The following CHRM3 variants were observed in gnomAD, a reference collection of about 807,000 sequenced individuals.
CHRM3 encodes muscarinic acetylcholine receptor M3.
A neutral mutation model predicts 41.8 loss-of-function variants in CHRM3; 11 were observed. The observed-to-expected ratio is 0.26, with a 90% CI of 0.17 to 0.44. The LOEUF is 0.44. Among genes scored for constraint, CHRM3 ranks in the 20% least tolerant of loss-of-function variants. CHRM3 has a pLI of 1.00. For missense variants in CHRM3, 571 were observed against 745.4 expected (o/e 0.77, Z 2.72); for synonymous variants, 297 against 301.4 (o/e 0.99, Z 0.15).
rs9428477 is a variant in CHRM3, at chr1:239,533,337, G to A, written c.-421-12304G>A. ...TTTAATTGACTCACAGTTCCACATGGCTGGGGAGGCCTCAGGAAACTTACA... is the reference window on the plus strand; with the variant it reads ...TTTAATTGACTCACAGTTCCACATGACTGGGGAGGCCTCAGGAAACTTACA... On this transcript the variant is annotated intron_variant, in intron 2 of 6. Coordinates refer to ENST00000676153, the MANE Select transcript of CHRM3 (RefSeq NM_001375978.1). Among the ~76,000 whole-genome samples the A allele has an allele frequency of 4.2e-3, 643 of 151,932 alleles. 5 individuals carry two copies. The highest frequency in any genetic ancestry group is 0.014 in the Middle Eastern group (4 of 292).
At chr1:239,772,313 G>T (rs926143070) in intron 5 of CHRM3, among the ~76,000 whole-genome samples, 2 of 151,994 alleles carry the variant, frequency 1.3e-5, no homozygotes, top group African/African-American at 4.8e-5. Flanking sequence ...GCCACAACCG[G>T]ATAATTTTTT....
At chr1:239,767,814 C>T (rs565251538) in intron 5 of CHRM3, among the ~76,000 whole-genome samples, 1 of 152,236 alleles carries the variant, frequency 6.6e-6, no homozygotes, top group African/African-American at 2.4e-5. Flanking sequence ...CAAGCTAAAT[C>T]CTTTTCCATT....
chr1:239,505,433 A>T (rs1396257236), intron 2 of CHRM3, among the ~76,000 whole-genome samples: 1 of 152,086 alleles, frequency 6.6e-6, no homozygotes, highest in Non-Finnish European at 1.5e-5. Context: ...TGTGATAGTG[A>T]GTAAGTCTCA....
chr1:239,614,869 T>C (rs894251842), intron 3 of CHRM3, among the ~76,000 whole-genome samples: 3 of 152,226 alleles, frequency 2.0e-5, no homozygotes, highest in Non-Finnish European at 4.4e-5. Context: ...TATATACATT[T>C]AGAGTATTTT....
chr1:239,755,367 T>C (rs1252298527), intron 5 of CHRM3, among the ~76,000 whole-genome samples: 1 of 152,164 alleles, frequency 6.6e-6, no homozygotes, highest in African/African-American at 2.4e-5. Context: ...ACCTCAAATA[T>C]CTAGGGCATA....
At chr1:239,770,551 A>T (rs905323930) in intron 5 of CHRM3, among the ~76,000 whole-genome samples, 2 of 152,188 alleles carry the variant, frequency 1.3e-5, no homozygotes, top group Non-Finnish European at 2.9e-5. Context: ...GGGTTCAAGG[A>T]TCTTTGCCTT....
intron 3 of CHRM3, among the ~76,000 whole-genome samples, chr1:239,555,532 C>T (rs549908436): frequency 1.6e-4 from 25 of 152,314 alleles, no homozygotes; most frequent in African/African-American, 3.4e-4. Context: ...CCATAAGGCA[C>T]GCCAGCAGTG....
At chr1:239,561,738 G>A (rs1399039227) in intron 3 of CHRM3, among the ~76,000 whole-genome samples, 1 of 151,710 alleles carries the variant, frequency 6.6e-6, no homozygotes, top group African/African-American at 2.4e-5. Context: ...TTCCTCATTA[G>A]CATGTAAACT....
chr1:239,840,241 T>C (rs1307935220), intron 6 of CHRM3, among the ~76,000 whole-genome samples: 2 of 152,142 alleles, frequency 1.3e-5, no homozygotes, highest in Non-Finnish European at 2.9e-5. Context: ...TTTTTTTACA[T>C]CTCATTAAAT....
intron 1 of CHRM3, among the ~76,000 whole-genome samples, chr1:239,411,411 A>G (rs111650611): frequency 5.4e-4 from 82 of 152,302 alleles, no homozygotes; most frequent in African/African-American, 1.9e-3. Flanking sequence ...TGGCAGACCT[A>G]CACGAAAGAA....
At chr1:239,559,123 A>T (rs1572708226) in intron 3 of CHRM3, among the ~76,000 whole-genome samples, 1 of 152,172 alleles carries the variant, frequency 6.6e-6, no homozygotes, top group African/African-American at 2.4e-5. Flanking sequence ...CACAACAGCC[A>T]TCTCTTATCA....
At chr1:239,589,549 T>G (rs1465808312) in intron 3 of CHRM3, among the ~76,000 whole-genome samples, 1 of 148,146 alleles carries the variant, frequency 6.8e-6, no homozygotes, top group Non-Finnish European at 1.5e-5. Flanking sequence ...GTAATTTCCA[T>G]GCATTAATAT....
At chr1:239,724,177 A>G (rs1413116959) in intron 5 of CHRM3, among the ~76,000 whole-genome samples, 3 of 151,784 alleles carry the variant, frequency 2.0e-5, no homozygotes, top group African/African-American at 4.8e-5. Context: ...TTAGGAGGGC[A>G]TGGACGCATC....
intron 5 of CHRM3, among the ~76,000 whole-genome samples, chr1:239,785,005 G>C (rs959579826): frequency 6.6e-6 from 1 of 152,186 alleles, no homozygotes; most frequent in Non-Finnish European, 1.5e-5. Flanking sequence ...TGTCTAGAAT[G>C]TTCATTGTCT....
intron 2 of CHRM3, among the ~76,000 whole-genome samples, chr1:239,535,962 T>C (rs572104494): frequency 1.3e-5 from 2 of 152,274 alleles, no homozygotes; most frequent in East Asian, 1.9e-4. Flanking sequence ...TTAGATATCA[T>C]AAGCATAATT....
intron 5 of CHRM3, among the ~76,000 whole-genome samples, chr1:239,736,166 A>G (rs1027396322): frequency 2.0e-5 from 3 of 152,092 alleles, no homozygotes; most frequent in Admixed American, 2.0e-4. Context: ...AATCTTCACA[A>G]AAGTCCCATG....
At chr1:239,883,355 A>G (rs1677804095) in intron 6 of CHRM3, among the ~76,000 whole-genome samples, 1 of 152,160 alleles carries the variant, frequency 6.6e-6, no homozygotes, top group South Asian at 2.1e-4. Flanking sequence ...TATGCCCCTC[A>G]TTCATTTCAT....
intron 5 of CHRM3, among the ~76,000 whole-genome samples, chr1:239,804,305 A>G (rs1450428179): frequency 1.3e-5 from 2 of 151,600 alleles, no homozygotes; most frequent in Admixed American, 1.3e-4. Context: ...TCTTTCCTTC[A>G]GTTCATCCCA....
intron 6 of CHRM3, among the ~76,000 whole-genome samples, chr1:239,849,225 A>G (rs759924846): frequency 3.9e-5 from 6 of 152,214 alleles, no homozygotes; most frequent in African/African-American, 1.4e-4. Flanking sequence ...CAAAGCCAAC[A>G]CATCAATGGA....
Sources: gnomAD v4.1 joint callset for allele counts (sites outside exome capture counted in the v4.1 genomes callset) on GRCh38, gnomAD v4.1.1 for gene constraint, MANE v1.5 for transcripts, NCBI Gene and HGNC (gene_info 2026-07-23, HGNC 2026-07-21) for gene names.